TLR2: variants seen among roughly 807,000 people sequenced by gnomAD.
The protein encoded by TLR2 is toll-like receptor 2.
A neutral mutation model predicts 9.1 loss-of-function variants in TLR2; 7 were observed. The ratio of observed to expected loss-of-function variants is 0.77; its 90% CI spans 0.44 to 1.44. The LOEUF is 1.44. TLR2 is among the 40% of genes most tolerant of loss of function. The pLI is 0.01. For missense variants in TLR2, 812 were observed against 904.6 expected (o/e 0.90, Z 1.31); for synonymous variants, 317 against 344.6 (o/e 0.92, Z 0.89).
chr4:153,684,965 G>T (rs1040898154), intron 1 of TLR2, among the ~76,000 whole-genome samples: 1 of 151,548 alleles, frequency 6.6e-6, no homozygotes, highest in Non-Finnish European at 1.5e-5. Context: ...GCTAGCGTCT[G>T]GCAGGGGGTG....
intron 2 of TLR2, among the ~76,000 whole-genome samples, chr4:153,699,872 T>C (rs542851155): frequency 4.6e-4 from 70 of 152,348 alleles, no homozygotes; most frequent in Non-Finnish European, 8.5e-4. Context: ...AATTTCTACA[T>C]ATATGTATAT....
rs184500527 is a variant in TLR2, at chr4:153,693,241, A to G, written c.-17+5194A>G. On this transcript the variant is annotated intron_variant, in intron 2 of 2. Coordinates refer to ENST00000642700, the MANE Select transcript of TLR2 (RefSeq NM_001318789.2). The stretch of plus-strand genomic sequence containing the variant: ...AGACCTACCTAGAAGTAATCCTACC[A>G]TCCCCGCTGGCATCATCTGACTGGA... Among the ~76,000 whole-genome samples, 149 of 152,332 alleles carry G rather than the reference A, an allele frequency of 9.8e-4. 1 individual carries two copies. In the East Asian group the frequency reaches 0.024, roughly 25 times the overall value.
chr4:153,707,945 C>T (rs181561163), downstream of TLR2, among the ~76,000 whole-genome samples: 225 of 152,274 alleles, frequency 1.5e-3, 2 homozygotes, highest in African/African-American at 5.2e-3. Context: ...TCTGGCAACA[C>T]CCTCACATAC....
chr4:153,687,725 A>T (rs1262021575), intron 1 of TLR2, among the ~76,000 whole-genome samples, 177 bp from the exon 2 acceptor site: 2 of 152,138 alleles, frequency 1.3e-5, no homozygotes, highest in African/African-American at 4.8e-5. Context: ...ATACCCAAAT[A>T]AGGCAGACTC....
chr4:153,689,463 C>G (rs981469121), intron 2 of TLR2, among the ~76,000 whole-genome samples: 6 of 152,012 alleles, frequency 3.9e-5, no homozygotes, highest in Admixed American at 1.3e-4. Context: ...GGGGACCAAT[C>G]AATAATGATT....
chr4:153,684,832 C>CGGCCCTCCCGCTTCCCTCACGGCCT (rs796378596), intron 1 of TLR2, among the ~76,000 whole-genome samples: 9 of 151,626 alleles, frequency 5.9e-5, no homozygotes, highest in Middle Eastern at 3.2e-3. Flanking sequence ...GGCCCCGGCC[C>CGGCCCTCCCGCTTCCCTCACGGCCT]GGCCCTCCCG....
intron 1 of TLR2, among the ~76,000 whole-genome samples, chr4:153,684,711 G>C (rs1735558286): frequency 6.6e-6 from 1 of 152,192 alleles, no homozygotes; most frequent in Non-Finnish European, 1.5e-5. Flanking sequence ...GCTGCGGCTG[G>C]GCTGAGCGCC....
intron 2 of TLR2, among the ~76,000 whole-genome samples, chr4:153,694,064 C>T (rs1457280785): frequency 1.3e-5 from 2 of 152,144 alleles, no homozygotes; most frequent in South Asian, 2.1e-4. Flanking sequence ...GATTTACCCA[C>T]GTATTTATTG....
At position 153,703,212 on chromosome 4, in the gene TLR2, T is replaced by C. The variant is rs1455850790; in HGVS notation, c.305T>C (p.Leu102Pro). ...EEDSFSSLGS[L>P]EHLDLSYNYL... ...GATTCTTTTTCTTCCCTGGGCAGTC[T>C]TGAACATTTAGACTTATCCTATAAT... is the stretch of plus-strand genomic sequence containing the variant. The change falls in exon 3 of 3, where the codon CTT becomes CCT. Residue 102 changes from leucine (L) to proline (P), a missense_variant. Transcript: ENST00000642700. 2.5e-6 allele frequency: 4 copies of C among 1,614,134 alleles called. No individual in the cohort carries two copies. Among genetic ancestry groups the C allele is most frequent in the Non-Finnish European group, 2.5e-6 (3 of 1,180,044 alleles).
In TLR2 at chr4:153,704,169, G is replaced by A. The variant is rs1255222152; in HGVS notation, c.1262G>A (p.Ser421Asn). The A allele has an allele frequency of 1.9e-6, 3 of 1,613,852 alleles. No homozygotes were observed. In the East Asian group the frequency reaches 6.7e-5, roughly 36 times the overall value. Residue 421 changes from serine (S) to asparagine (N), a missense_variant, in exon 3 of 3, where the codon AGT (serine) becomes AAT (asparagine). Physicochemically the swap from Ser to Asn is conservative, Grantham distance 46. Coordinates refer to ENST00000642700, the MANE Select transcript of TLR2 (RefSeq NM_001318789.2). Reference protein sequence around the residue: ...TLKNLTNIDISKNSFHSMPET... With the variant: ...TLKNLTNIDINKNSFHSMPET... ...AAAAACTTGACTAACATTGATATCA[G>A]TAAGAATAGTTTTCATTCTATGCCT...
Position 153,703,032 on chromosome 4 carries a change from C to G in TLR2, c.125C>G (p.Ser42Cys), listed in dbSNP as rs1414996526. 1 of 1,614,006 alleles carries G rather than the reference C, an allele frequency of 6.2e-7. No homozygotes were observed. Among genetic ancestry groups the G allele is most frequent in the Admixed American group, 1.7e-5 (1 of 59,986 alleles). The part of the protein sequence containing the change: ...RNGICKGSSG[S>C]LNSIPSGLTE... ...GGTATCTGCAAGGGCAGCTCAGGAT[C>G]TTTAAACTCCATTCCCTCAGGGCTC... The change falls in exon 3 of 3, where the codon TCT (serine) becomes TGT (cysteine). Residue 42 changes from serine (S) to cysteine (C), a missense_variant. By Grantham distance (112) the Ser-to-Cys change is moderately radical. Coordinates refer to ENST00000642700, the MANE Select transcript of TLR2 (RefSeq NM_001318789.2).
chr4:153,702,000 A>G (rs1308615229), intron 2 of TLR2: 1 of 152,232 alleles, frequency 6.6e-6, no homozygotes, highest in Non-Finnish European at 1.5e-5. Flanking sequence ...AAATTTTTGT[A>G]TAGTTAGCAC....
At chr4:153,688,968 A>G (rs904970712) in intron 2 of TLR2, among the ~76,000 whole-genome samples, 1 of 152,236 alleles carries the variant, frequency 6.6e-6, no homozygotes, top group Non-Finnish European at 1.5e-5. Flanking sequence ...GCATATGCAT[A>G]CTATACAAAG....
At chr4:153,698,076 A>G (rs971179084) in intron 2 of TLR2, among the ~76,000 whole-genome samples, 2 of 152,188 alleles carry the variant, frequency 1.3e-5, no homozygotes, top group African/African-American at 2.4e-5. Flanking sequence ...GTGTGGACCT[A>G]TAAGACAAAC....
chr4:153,698,902 C>A (rs892983855), intron 2 of TLR2, among the ~76,000 whole-genome samples: 7 of 152,130 alleles, frequency 4.6e-5, no homozygotes, highest in Admixed American at 4.6e-4. Context: ...TCTGGTCTTT[C>A]TATAGGGTTA....
At chr4:153,710,231 C>T (rs1737469298), downstream of TLR2, 1 of 618,910 alleles carries the variant, frequency 1.6e-6, no homozygotes, top group East Asian at 2.9e-5. Flanking sequence ...ATTCTTTCCA[C>T]ATGGACAAAT....
chr4:153,701,165 A>G (rs532077651), intron 2 of TLR2, among the ~76,000 whole-genome samples: 2 of 152,362 alleles, frequency 1.3e-5, no homozygotes, highest in East Asian at 3.9e-4. Context: ...TCCAAAATTC[A>G]TATTGAAACT....
At chr4:153,710,142 T>C, downstream of TLR2, 1 of 407,932 alleles carries the variant, frequency 2.5e-6, no homozygotes, top group Non-Finnish European at 4.4e-6. Context: ...GACATGTGCA[T>C]GAGTTAAGAA....
rs1357261079 is a variant in TLR2 at position 153,702,977 on chromosome 4, A to C, written c.70A>C (p.Asn24His). The C allele has an allele frequency of 1.2e-6, 2 of 1,614,058 alleles. No homozygotes were observed. The highest frequency in any genetic ancestry group is 1.3e-5 in the African/African-American group (1 of 75,006). The change falls in exon 3 of 3, where the codon AAT (asparagine) becomes CAT (histidine). Residue 24 changes from asparagine to histidine, a missense_variant. Transcript: ENST00000642700. ...IISLSKEESS[N>H]QASLSCDRNG... ...CAGCCTCTCCAAGGAAGAATCCTCC[A>C]ATCAGGCTTCTCTGTCTTGTGACCG...
Sources: allele counts gnomAD v4.1 joint callset (sites outside exome capture counted in the v4.1 genomes callset), GRCh38; gene constraint gnomAD v4.1.1; transcripts MANE v1.5; gene names NCBI Gene and HGNC (gene_info 2026-07-23, HGNC 2026-07-21).